The following NFASC variants were observed in gnomAD, a reference collection of about 807,000 sequenced individuals.
NFASC encodes neurofascin homolog.
In NFASC, 43 loss-of-function variants were observed where a neutral mutation model predicts 147.5. The observed-to-expected ratio is 0.29, with a 90% CI of 0.23 to 0.38. The LOEUF is 0.38. Among genes scored for constraint, NFASC ranks in the 10% least tolerant of loss-of-function variants. The probability of loss-of-function intolerance (pLI) is 1.00; values close to 1 mark genes in which losing one functional copy is unlikely to be tolerated. For missense variants in NFASC, 1,320 were observed against 1,689.0 expected (o/e 0.78, Z 3.83); for synonymous variants, 622 against 665.5 (o/e 0.93, Z 1.01).
intron 27 of NFASC, among the ~76,000 whole-genome samples, chr1:205,004,808 T>C (rs2096070992): frequency 6.6e-6 from 1 of 152,130 alleles, no homozygotes; most frequent in African/African-American, 2.4e-5. Context: ...GCTATAGCAG[T>C]TCAGGAAGGA....
chr1:204,842,720 G>A (rs1278093212), intron 1 of NFASC, among the ~76,000 whole-genome samples: 2 of 152,212 alleles, frequency 1.3e-5, no homozygotes, highest in South Asian at 4.1e-4. Flanking sequence ...TTTTATTTTA[G>A]GAATCAGCAT....
At chr1:204,830,039 G>A (rs1433394355) in intron 1 of NFASC, among the ~76,000 whole-genome samples, 1 of 150,874 alleles carries the variant, frequency 6.6e-6, no homozygotes, top group Non-Finnish European at 1.5e-5. Context: ...GTGTGTGTGT[G>A]TGTGTGTTGA....
In NFASC at chr1:204,968,278, T is replaced by C; in HGVS notation, c.736T>C (p.Phe246Leu). The C allele has an allele frequency of 6.2e-7, 1 of 1,614,140 alleles. No homozygotes were observed. The highest frequency in any genetic ancestry group is 8.5e-7 in the Non-Finnish European group (1 of 1,179,988). ...AGGAGTTGCAGAAAGAACACCAAGC[T>C]TCATGTATCCCCAGGGCACCGCGAG... ...TRGVAERTPS[F>L]MYPQGTASSQ... The change falls in exon 9 of 30, where the codon TTC becomes CTC. Residue 246 changes from phenylalanine to leucine, a missense_variant. Around this residue, in one of 3 missense-constraint regions of NFASC, gnomAD observed 981 missense variants for 1,289.5 expected, o/e 0.76. Transcript: ENST00000339876. This position sits in a 1 kb window ranked among gnomAD's most constrained non-coding sequence, Gnocchi z 5.4.
intron 1 of NFASC, among the ~76,000 whole-genome samples, chr1:204,914,105 C>T (rs899363007): frequency 2.6e-5 from 4 of 152,126 alleles, no homozygotes; most frequent in African/African-American, 9.7e-5. Flanking sequence ...GGTCGATTTG[C>T]AGCCCCTCTT....
At chr1:204,973,983 G>A (rs1573986210) in intron 12 of NFASC, among the ~76,000 whole-genome samples, 196 bp from the exon 13 acceptor site, 1 of 152,158 alleles carries the variant, frequency 6.6e-6, no homozygotes, top group Admixed American at 6.5e-5. Context: ...GGTAGGTTGA[G>A]GGCAGAGGAC....
chr1:204,946,156 C>T (rs2093712456), intron 3 of NFASC, among the ~76,000 whole-genome samples: 1 of 152,172 alleles, frequency 6.6e-6, no homozygotes, highest in Admixed American at 6.5e-5. Context: ...GACCCCCACC[C>T]CACGTTGTGT....
rs771999089 is a variant in NFASC at position 204,986,075 on chromosome 1, C to T, written c.2471-1343C>T. On this transcript the variant is annotated intron_variant, in intron 21 of 29. Transcript: ENST00000339876. This position sits in a 1 kb window ranked among gnomAD's most constrained non-coding sequence, Gnocchi z 4.2. ...TGTGGTCAATGGGAGAGGTGATGGG[C>T]CTCGCAGTGAGACCAAGGAGTTCAC... 6 of 1,614,152 alleles carry T rather than the reference C, an allele frequency of 3.7e-6. No individual in the cohort carries two copies. Among genetic ancestry groups the T allele is most frequent in the Non-Finnish European group, 5.1e-6 (6 of 1,180,000 alleles).
intron 1 of NFASC, chr1:204,870,650 G>T: frequency 9.5e-7 from 1 of 1,056,422 alleles, no homozygotes; most frequent in Non-Finnish European, 1.1e-6. Flanking sequence ...CTTCCATTAT[G>T]CATGAGGGAG....
chr1:205,013,301 C>G (rs1051554339), intron 29 of NFASC, among the ~76,000 whole-genome samples: 2 of 152,136 alleles, frequency 1.3e-5, no homozygotes, highest in African/African-American at 4.8e-5. Context: ...AAGATAATGA[C>G]CCTGGGAGGC....
rs548086389 is a variant in NFASC at position 204,910,527 on chromosome 1, C to G, written c.-199-10105C>G. 2.2e-4 allele frequency among the ~76,000 whole-genome samples: 34 copies of G among 151,306 alleles called. 2 individuals are homozygous for G. The highest frequency in any genetic ancestry group is 6.8e-3 in the Middle Eastern group (2 of 292). ...GCACCTTCTTTGGCATCTTAGCTCA[C>G]TGCAGCCTTGAACTCCTGGGCTCAA... On this transcript the variant is annotated intron_variant, in intron 1 of 29. Transcript: ENST00000339876.
chr1:204,969,627 A>T (rs1197496363), intron 10 of NFASC, among the ~76,000 whole-genome samples: 5 of 152,218 alleles, frequency 3.3e-5, no homozygotes, highest in Non-Finnish European at 4.4e-5. Flanking sequence ...CCTTGGCTTC[A>T]GCACCATACA....
intron 2 of NFASC, among the ~76,000 whole-genome samples, chr1:204,921,466 T>C (rs1185060907): frequency 6.6e-6 from 1 of 152,168 alleles, no homozygotes; most frequent in Non-Finnish European, 1.5e-5. Context: ...AGTTTGGGCA[T>C]CTCTACCTCA....
intron 2 of NFASC, among the ~76,000 whole-genome samples, chr1:204,938,417 A>C (rs767859506): frequency 6.6e-6 from 1 of 152,224 alleles, no homozygotes; most frequent in East Asian, 1.9e-4. Flanking sequence ...AGTGTTTTAC[A>C]TAGGAATTGT....
rs116132443 is a variant in NFASC, at chr1:204,881,374, C to T, written c.-199-39258C>T. On this transcript the variant is annotated intron_variant, in intron 1 of 29. Transcript: ENST00000339876. ...GGTGACAGATGCATAGCTCCCTCCT[C>T]TTTTTTCTGATTGTATTAAAAGTAA... 2.3e-3 allele frequency among the ~76,000 whole-genome samples: 351 copies of T among 152,308 alleles called. 3 individuals are homozygous for T. Among genetic ancestry groups the T allele is most frequent in the African/African-American group, 7.8e-3 (323 of 41,552 alleles).
Position 204,979,731 on chromosome 1 carries a change from A to G in NFASC, c.2176+172A>G, listed in dbSNP as rs1181020954. ...CACCTACATCACAGAGCTGTTGTGA[A>G]CATTTGAGAATGTGTGCCAGGTACT... On this transcript the variant is annotated intron_variant, in intron 19 of 29. Transcript: ENST00000339876. The surrounding 1 kb of genome is among the most constrained non-coding windows in gnomAD (Gnocchi z 6.0). Among the ~76,000 whole-genome samples, 2 of 152,340 alleles carry G rather than the reference A, an allele frequency of 1.3e-5. No individual in the cohort carries two copies. The highest frequency in any genetic ancestry group is 3.9e-4 in the East Asian group (2 of 5,190).
At chr1:204,917,844 A>G (rs142506351) in intron 1 of NFASC, among the ~76,000 whole-genome samples, 57 of 152,268 alleles carry the variant, frequency 3.7e-4, no homozygotes, top group Non-Finnish European at 6.2e-4. Context: ...AGGAGGCCCA[A>G]TTCCTTCTTC....
At chr1:204,894,933 T>C (rs941831182) in intron 1 of NFASC, among the ~76,000 whole-genome samples, 1 of 152,202 alleles carries the variant, frequency 6.6e-6, no homozygotes, top group Admixed American at 6.5e-5. Flanking sequence ...GAAGGTTATC[T>C]ACCTAATTAC....
intron 20 of NFASC, 95 bp downstream of exon 20, chr1:204,980,535 T>G: frequency 1.1e-6 from 1 of 934,100 alleles, no homozygotes; most frequent in African/African-American, 1.6e-5. Context: ...GAGGCCATGA[T>G]GTGGTTCAGA....
intron 22 of NFASC, among the ~76,000 whole-genome samples, chr1:204,988,299 G>C (rs1462737339): frequency 6.6e-6 from 1 of 152,220 alleles, no homozygotes; most frequent in African/African-American, 2.4e-5. Flanking sequence ...TCCTAGTTCT[G>C]TTTGAAAGGA....
Sources: gnomAD v4.1 joint callset for allele counts (sites outside exome capture counted in the v4.1 genomes callset) on GRCh38, gnomAD v4.1.1 for gene constraint, gnomAD v4.1.1 regional missense constraint, Gnocchi (gnomAD v3.1) non-coding constraint, MANE v1.5 for transcripts, NCBI Gene and HGNC (gene_info 2026-07-23, HGNC 2026-07-21) for gene names.